The following ZDHHC21 variants were observed in gnomAD, a reference collection of about 807,000 sequenced individuals.
The protein encoded by ZDHHC21 is zDHHC palmitoyltransferase 21.
Under a neutral mutation model 34.6 loss-of-function variants are expected in ZDHHC21, and 15 were observed. The observed-to-expected ratio is 0.43, with a 90% CI of 0.29 to 0.67. The LOEUF (loss-of-function observed/expected upper bound fraction) is 0.67, where lower values mean the gene tolerates loss of function less well. Ranked by LOEUF, ZDHHC21 falls within the 30% of genes least tolerant of loss-of-function variation. The probability of loss-of-function intolerance (pLI) is 0.14; values close to 1 mark genes in which losing one functional copy is unlikely to be tolerated. For missense variants in ZDHHC21, 344 were observed against 327.7 expected, an observed-to-expected ratio of 1.05 and a Z score of -0.38; for synonymous variants, 142 against 101.8, an observed-to-expected ratio of 1.40 and a Z score of -2.38.
chr9:14,637,296 A>C (rs996468339), intron 8 of ZDHHC21, among the ~76,000 whole-genome samples: 2 of 152,052 alleles, frequency 1.3e-5, no homozygotes, highest in African/African-American at 4.8e-5. Context: ...CAAAAAACCT[A>C]GAGTAAATGA....
rs1366959168 is a variant in ZDHHC21 at position 14,627,375 on chromosome 9, G to C, written c.622-7693C>G. ...TGAGTTAAATATGAGCCAGTATTTA[G>C]GGGGGAAAACATTTTCTTCTTAATT... On this transcript the variant is annotated intron_variant, in intron 8 of 9. Transcript: ENST00000380916. Among the ~76,000 whole-genome samples, 3 of 152,062 alleles carry C rather than the reference G, an allele frequency of 2.0e-5. No homozygotes were observed. The East Asian group carries it at 5.8e-4, about 29-fold the overall frequency.
chr9:14,657,947 T>A (rs1173149974), intron 7 of ZDHHC21, among the ~76,000 whole-genome samples: 1 of 152,190 alleles, frequency 6.6e-6, no homozygotes, highest in Non-Finnish European at 1.5e-5. Flanking sequence ...GAAATTTATC[T>A]ATAAATAAGA....
At chr9:14,691,910 G>A (rs2131731452) in intron 1 of ZDHHC21, among the ~76,000 whole-genome samples, 1 of 152,266 alleles carries the variant, frequency 6.6e-6, no homozygotes, top group Middle Eastern at 3.4e-3. Flanking sequence ...GCATGGAAAA[G>A]CTAAAATAAG....
chr9:14,604,667 GTTA>G, the ZDHHC21 span, among the ~76,000 whole-genome samples: 1 of 152,042 alleles, frequency 6.6e-6, no homozygotes, highest in Non-Finnish European at 1.5e-5. Flanking sequence ...AAACTCTCCA[GTTA>G]TTATTTTTCA....
chr9:14,658,984 T>C lies in ZDHHC21; in HGVS notation c.366-97A>G, dbSNP rs906270212. On this transcript the variant is annotated intron_variant, in intron 6 of 9. Coordinates refer to ENST00000380916, the MANE Select transcript of ZDHHC21 (RefSeq NM_178566.6). ...AATTAAAAACAAATAATATCACATA[T>C]GCTTAACTTCATGGAGATATGCTAT... 15 of 1,248,164 alleles carry C rather than the reference T, an allele frequency of 1.2e-5. No homozygotes were observed. In the East Asian group the frequency reaches 1.7e-4, roughly 14 times the overall value. The allele number at this position is 1,248,164 out of a possible 1,614,324, so 77.3% of individuals were successfully genotyped here.
intron 5 of ZDHHC21, among the ~76,000 whole-genome samples, chr9:14,663,028 C>T (rs1833687563): frequency 6.6e-6 from 1 of 152,112 alleles, no homozygotes; most frequent in South Asian, 2.1e-4. Flanking sequence ...TAGCAATTTC[C>T]TCTAATCTGG....
Position 14,620,581 on chromosome 9 carries a change from A to G in ZDHHC21, c.622-899T>C, listed in dbSNP as rs776606168. On this transcript the variant is annotated intron_variant, in intron 8 of 9. Coordinates refer to ENST00000380916, the MANE Select transcript of ZDHHC21 (RefSeq NM_178566.6). ...TAGGTGGACTTATTTAAGCAGTACT[A>G]TTCATGCAAACTCTTGCAGCTACAG... is the stretch of plus-strand genomic sequence containing the variant. Among the ~76,000 whole-genome samples, 4 of 151,972 alleles carry G rather than the reference A, an allele frequency of 2.6e-5. No homozygotes were observed. The East Asian group carries it at 7.7e-4, about 29-fold the overall frequency.
intron 9 of ZDHHC21, among the ~76,000 whole-genome samples, chr9:14,619,399 A>G (rs561472169): frequency 1.3e-5 from 2 of 152,270 alleles, no homozygotes; most frequent in Admixed American, 1.3e-4. Context: ...TTCAGGACAA[A>G]TAATTTAACT....
At position 14,614,744 on chromosome 9, in the gene ZDHHC21, G is replaced by A. The variant is rs1030951453; in HGVS notation, c.*4222C>T. ...AAGTAGAACACATTAAATGTACATG[G>A]CTTATTTGCTACACTTACCAATACT... On this transcript the variant is annotated 3_prime_UTR_variant, in exon 10 of 10. Transcript: ENST00000380916. The A allele has an allele frequency of 2.6e-5, 4 of 151,628 alleles. No individual in the cohort carries two copies. The highest frequency in any genetic ancestry group is 4.4e-5 in the Non-Finnish European group (3 of 67,690). The allele number at this position is 151,628 out of a possible 1,614,324, so 9.4% of individuals were successfully genotyped here. A position where few individuals can be genotyped will look rare whatever the true frequency, so the allele number is the denominator to read the frequency against.
chr9:14,638,619 G>C (rs993838519), intron 8 of ZDHHC21, among the ~76,000 whole-genome samples: 6 of 151,396 alleles, frequency 4.0e-5, no homozygotes, highest in South Asian at 2.1e-4. Flanking sequence ...CAAAACACTT[G>C]AACTTTTTGC....
chr9:14,677,187 A>G (rs1206886047), intron 3 of ZDHHC21, among the ~76,000 whole-genome samples: 1 of 152,052 alleles, frequency 6.6e-6, no homozygotes, highest in Non-Finnish European at 1.5e-5. Context: ...GGATGTAAAC[A>G]TACATAGATG....
At chr9:14,598,447 A>G in the ZDHHC21 span, among the ~76,000 whole-genome samples, 6 of 152,348 alleles carry the variant, frequency 3.9e-5, no homozygotes, top group East Asian at 1.2e-3. Context: ...CATCTATAGG[A>G]AAAAGTATTT....
chr9:14,612,988 T>C lies in ZDHHC21; in HGVS notation c.*5978A>G, dbSNP rs1330853692. The stretch of plus-strand genomic sequence containing the variant: ...AGCTATATAGTTCATTTATATAAAT[T>C]AGAGTTCTTACCTTTTTATTCATTG... On this transcript the variant is annotated 3_prime_UTR_variant, in exon 10 of 10. Coordinates refer to ENST00000380916, the MANE Select transcript of ZDHHC21 (RefSeq NM_178566.6). 6.6e-6 allele frequency: 1 copy of C among 151,858 alleles called. No individual in the cohort carries two copies. Among genetic ancestry groups the C allele is most frequent in the African/African-American group, 2.4e-5 (1 of 41,404 alleles). The allele number at this position is 151,858 out of a possible 1,614,324, so 9.4% of individuals were successfully genotyped here.
chr9:14,678,605 G>C (rs1437974231), intron 3 of ZDHHC21, among the ~76,000 whole-genome samples: 4 of 152,000 alleles, frequency 2.6e-5, no homozygotes, highest in African/African-American at 9.7e-5. Flanking sequence ...CATCCTGGGA[G>C]GGCAATTTGG....
chr9:14,605,168 T>C, the ZDHHC21 span, among the ~76,000 whole-genome samples: 1 of 151,744 alleles, frequency 6.6e-6, no homozygotes, highest in Non-Finnish European at 1.5e-5. Flanking sequence ...ATTAATGAAA[T>C]GGGGAGTGCA....
At chr9:14,631,117 T>C (rs1428033538) in intron 8 of ZDHHC21, among the ~76,000 whole-genome samples, 1 of 152,246 alleles carries the variant, frequency 6.6e-6, no homozygotes, top group Non-Finnish European at 1.5e-5. Context: ...CTACATGGCA[T>C]CTTCTTCCAA....
chr9:14,633,268 A>T (rs1827670339), intron 8 of ZDHHC21, among the ~76,000 whole-genome samples: 1 of 152,212 alleles, frequency 6.6e-6, no homozygotes, highest in Non-Finnish European at 1.5e-5. Flanking sequence ...GCAAGGACTG[A>T]CAGGAAAGCA....
At chr9:14,619,730 CTTTA>C in intron 8 of ZDHHC21, 48 bp from the exon 9 acceptor site, 1 of 989,280 alleles carries the variant, frequency 1.0e-6, no homozygotes, top group Non-Finnish European at 1.4e-6. Context: ...GTTATTAAGT[CTTTA>C]TTCTGTATCC....
intron 5 of ZDHHC21, among the ~76,000 whole-genome samples, chr9:14,667,405 A>G (rs1053028194): frequency 1.2e-3 from 180 of 152,106 alleles, no homozygotes; most frequent in African/African-American, 3.8e-3. Context: ...ATTCACAGCC[A>G]AATTCTACCA....
Sources: allele counts gnomAD v4.1 joint callset (sites outside exome capture counted in the v4.1 genomes callset), GRCh38; gene constraint gnomAD v4.1.1; transcripts MANE v1.5; gene names NCBI Gene and HGNC (gene_info 2026-07-23, HGNC 2026-07-21).